Variants in SAMMSON observed in about 807,000 individuals in gnomAD.
SAMMSON encodes survival associated mitochondrial melanoma specific oncogenic non-coding RNA, also known as long intergenic non-protein coding RNA 1212.
chr3:70,109,407 C>A (rs1309411794), intron 4 of SAMMSON, among the ~76,000 whole-genome samples: 2 of 152,134 alleles, frequency 1.3e-5, no homozygotes, highest in Non-Finnish European at 2.9e-5. Flanking sequence ...GGCTACAATT[C>A]CTTGAGTTCT....
chr3:70,270,351 C>G (rs1006980507), intron 6 of SAMMSON, among the ~76,000 whole-genome samples: 1 of 152,078 alleles, frequency 6.6e-6, no homozygotes, highest in East Asian at 1.9e-4. Context: ...GAATATATAA[C>G]CCTGATCCCT....
chr3:70,250,411 T>TCACA (rs61355248), intron 6 of SAMMSON, among the ~76,000 whole-genome samples: 5,000 of 124,798 alleles, frequency 0.04, 82 homozygotes, highest in South Asian at 0.14. Flanking sequence ...TTAATGAATC[T>TCACA]CACACACACA....
chr3:70,208,040 G>A (rs1399964545), intron 4 of SAMMSON, among the ~76,000 whole-genome samples: 8 of 152,070 alleles, frequency 5.3e-5, no homozygotes, highest in African/African-American at 1.9e-4. Context: ...ACAGGATTGA[G>A]AAGTGTATAA....
At chr3:70,286,093 C>T (rs1702160178) in intron 6 of SAMMSON, among the ~76,000 whole-genome samples, 1 of 152,094 alleles carries the variant, frequency 6.6e-6, no homozygotes, top group African/African-American at 2.4e-5. Flanking sequence ...TTGTGTTTTG[C>T]TGCCATTGCT....
chr3:70,281,129 T>C (rs756692737), intron 6 of SAMMSON, among the ~76,000 whole-genome samples: 8 of 152,192 alleles, frequency 5.3e-5, no homozygotes, highest in Non-Finnish European at 1.2e-4. Context: ...TTTTCAAGGA[T>C]GTTTCAGAGG....
intron 4 of SAMMSON, among the ~76,000 whole-genome samples, chr3:70,092,032 T>C (rs926301827): frequency 1.5e-4 from 23 of 152,132 alleles, no homozygotes; most frequent in African/African-American, 5.3e-4. Context: ...ACCACTAATA[T>C]CCAAGAGGCA....
At chr3:70,114,302 G>C (rs572857410) in intron 4 of SAMMSON, among the ~76,000 whole-genome samples, 1 of 152,260 alleles carries the variant, frequency 6.6e-6, no homozygotes, top group African/African-American at 2.4e-5. Context: ...ATTACCCCGT[G>C]TGTACAAGGG....
intron 2 of SAMMSON, among the ~76,000 whole-genome samples, chr3:70,409,072 C>A (rs1186779837): frequency 6.6e-6 from 1 of 152,108 alleles, no homozygotes; most frequent in Non-Finnish European, 1.5e-5. Flanking sequence ...AAACCACCCC[C>A]ATGATTCAAA....
chr3:70,304,811 G>GA (rs1471903787), intron 7 of SAMMSON, among the ~76,000 whole-genome samples: 1 of 151,902 alleles, frequency 6.6e-6, no homozygotes, highest in Non-Finnish European at 1.5e-5. Context: ...CCAAATAGGC[G>GA]AAAAAAATAT....
At chr3:70,201,966 A>C (rs1701244492) in intron 4 of SAMMSON, among the ~76,000 whole-genome samples, 1 of 152,194 alleles carries the variant, frequency 6.6e-6, no homozygotes, top group Admixed American at 6.5e-5. Context: ...TGTCTTAGGC[A>C]GTGGTTTTAT....
chr3:70,424,525 A>G (rs571759564), intron 2 of SAMMSON, among the ~76,000 whole-genome samples: 65 of 152,300 alleles, frequency 4.3e-4, no homozygotes, highest in African/African-American at 1.3e-3. Flanking sequence ...TGACACATTA[A>G]CTGTGGTTTC....
chr3:70,116,265 C>T (rs1364210432), intron 4 of SAMMSON, among the ~76,000 whole-genome samples: 1 of 133,560 alleles, frequency 7.5e-6, no homozygotes, highest in East Asian at 2.3e-4. Context: ...GACTTGTTTT[C>T]AAGTTTTAGG....
At chr3:70,225,972 A>G (rs970349290) in intron 4 of SAMMSON, among the ~76,000 whole-genome samples, 3 of 152,202 alleles carry the variant, frequency 2.0e-5, no homozygotes, top group Non-Finnish European at 1.5e-5. Context: ...AACAATGTAG[A>G]CAGGATGAGA....
chr3:70,023,117 A>C (rs915947526), intron 3 of SAMMSON, among the ~76,000 whole-genome samples: 3 of 152,146 alleles, frequency 2.0e-5, no homozygotes, highest in Non-Finnish European at 4.4e-5. Context: ...AATTCATTTT[A>C]GTGAAAAGTG....
chr3:70,058,010 C>T (rs999389190), intron 3 of SAMMSON, among the ~76,000 whole-genome samples: 1 of 151,850 alleles, frequency 6.6e-6, no homozygotes, highest in African/African-American at 2.4e-5. Flanking sequence ...TGAAATATAC[C>T]TATTAACAAA....
chr3:70,278,375 G>C (rs1702048604), intron 6 of SAMMSON, among the ~76,000 whole-genome samples: 1 of 152,156 alleles, frequency 6.6e-6, no homozygotes, highest in South Asian at 2.1e-4. Flanking sequence ...TATGACTGAA[G>C]CTGATATGAA....
chr3:70,203,741 C>G lies in SAMMSON; in HGVS notation n.508-45366C>G, dbSNP rs151253619. ...ATCTTGTATTTATGATTTTCCTCTT[C>G]CACCTGGATGAGATGTCTCAAATTC... On this transcript the variant is annotated intron_variant and non_coding_transcript_variant, in intron 4 of 9. Coordinates refer to ENST00000642114, the Ensembl canonical transcript of SAMMSON. 1.4e-3 allele frequency among the ~76,000 whole-genome samples: 218 copies of G among 152,166 alleles called. 1 individual carries two copies. The Middle Eastern group carries it at 0.02, about 14-fold the overall frequency.
At position 70,400,289 on chromosome 3, in the gene SAMMSON, A is replaced by C. The variant is rs1342737877; in HGVS notation, n.233+41965A>C. Reference sequence around the variant, plus strand: ...CTGAAGATATTAGAAGATGGGGCCTAGTGGGAGGTGTTTGGGTCATGCAGG... The same window carrying C: ...CTGAAGATATTAGAAGATGGGGCCTCGTGGGAGGTGTTTGGGTCATGCAGG... On this transcript the variant is annotated intron_variant and non_coding_transcript_variant, in intron 2 of 3. Transcript: ENST00000641053. 2.0e-5 allele frequency among the ~76,000 whole-genome samples: 3 copies of C among 152,272 alleles called. No individual in the cohort carries two copies. In the East Asian group the frequency reaches 5.8e-4, roughly 30 times the overall value.
rs1702951468 is a variant in SAMMSON at position 70,369,779 on chromosome 3, C to G, written n.913+11455C>G. Among the ~76,000 whole-genome samples the G allele has an allele frequency of 3.3e-5, 5 of 151,650 alleles. No homozygotes were observed. In the South Asian group the frequency reaches 1.0e-3, roughly 32 times the overall value. On this transcript the variant is annotated intron_variant and non_coding_transcript_variant, in intron 9 of 9. Coordinates refer to ENST00000642114, the Ensembl canonical transcript of SAMMSON. Reference sequence around the variant, plus strand: ...AAACCAGTCAGGGTGTTTAGGGTATCCATCACCTCAAGTATTTATCATTTC... The same window carrying G: ...AAACCAGTCAGGGTGTTTAGGGTATGCATCACCTCAAGTATTTATCATTTC...
Sources: gnomAD v4.1 joint callset for allele counts (sites outside exome capture counted in the v4.1 genomes callset) on GRCh38, gnomAD v4.1.1 for gene constraint, MANE v1.5 for transcripts, NCBI Gene and HGNC (gene_info 2026-07-23, HGNC 2026-07-21) for gene names.